Variants in ATP9B observed in about 807,000 individuals in gnomAD.
ATP9B encodes the protein ATPase phospholipid transporting 9B, also known as probable phospholipid-transporting ATPase IIB.
Under a neutral mutation model 146.1 loss-of-function variants are expected in ATP9B, and 110 were observed. The ratio of observed to expected loss-of-function variants is 0.75; its 90% CI spans 0.65 to 0.88. The LOEUF is 0.88. ATP9B is among the 40% of genes least tolerant of loss of function. The probability of loss-of-function intolerance (pLI) is 0.00; values close to 1 mark genes in which losing one functional copy is unlikely to be tolerated. For missense variants in ATP9B, 1,499 were observed against 1,496.4 expected, an observed-to-expected ratio of 1.00 and a Z score of -0.03; for synonymous variants, 604 against 569.7, an observed-to-expected ratio of 1.06 and a Z score of -0.86.
intron 7 of ATP9B, among the ~76,000 whole-genome samples, chr18:79,165,635 GTC>G (rs889950160): frequency 6.6e-6 from 1 of 152,124 alleles, no homozygotes; most frequent in Non-Finnish European, 1.5e-5. Flanking sequence ...AACAGACTGA[GTC>G]TGCAGAAATT....
Position 79,266,833 on chromosome 18 carries a change from T to C in ATP9B, c.1269-10221T>C, listed in dbSNP as rs115636937. Among the ~76,000 whole-genome samples, 255 of 152,212 alleles carry C rather than the reference T, an allele frequency of 1.7e-3. 4 individuals carry two copies. The highest frequency in any genetic ancestry group is 5.7e-3 in the African/African-American group (239 of 41,576). On this transcript the variant is annotated intron_variant, in intron 12 of 29. Transcript: ENST00000426216. The stretch of plus-strand genomic sequence containing the variant: ...GATGGTATGTTAGTATTTTGTTTAT[T>C]ATTAGATTCCATTTACTTGTATTTT...
chr18:79,069,473 A>G lies in ATP9B; in HGVS notation c.63A>G (p.Lys21=), dbSNP rs2071432359. ...RSAAAAAANR[K]RAAYYSAAGP... is the part of the protein sequence containing the mutation. ...CAGCGGCGGCCGCAGCCAACCGCAA[A>G]CGCGCGGCCTACTACAGCGCCGCGG... is the stretch of plus-strand genomic sequence containing the variant. Residue 21 remains lysine, a synonymous_variant, in exon 1 of 30, where the codon AAA becomes AAG. Transcript: ENST00000426216. The G allele has an allele frequency of 6.6e-7, 1 of 1,504,168 alleles. No individual in the cohort carries two copies. The highest frequency in any genetic ancestry group is 2.9e-5 in the East Asian group (1 of 34,734). The allele number at this position is 1,504,168 out of a possible 1,614,324, so 93.2% of individuals were successfully genotyped here. A position where few individuals can be genotyped will look rare whatever the true frequency, so the allele number is the denominator to read the frequency against.
intron 2 of ATP9B, 114 bp downstream of exon 2, chr18:79,096,763 A>G: frequency 2.3e-6 from 2 of 852,366 alleles, no homozygotes; most frequent in East Asian, 2.7e-5. Context: ...TATTCCTTAA[A>G]TGATATCATG....
chr18:79,300,348 C>A (rs2096582407), intron 13 of ATP9B, among the ~76,000 whole-genome samples: 1 of 152,058 alleles, frequency 6.6e-6, no homozygotes, highest in South Asian at 2.1e-4. Flanking sequence ...CTCGTGTCAT[C>A]CTTGGACCAC....
rs1316938538 is a variant in ATP9B, at chr18:79,303,630, T to C, written c.1438T>C (p.Phe480Leu). ...TGTLTQNEMI[F>L]KRLHLGTVSY... ...AACCCTCACCCAGAATGAAATGATA[T>C]TTAAGCGGCTGCACCTGGGCACCGT... The change falls in exon 14 of 30, where the codon TTT (phenylalanine) becomes CTT (leucine). Residue 480 changes from phenylalanine (F) to leucine (L), a missense_variant. Physicochemically the swap from Phe to Leu is conservative, Grantham distance 22 (BLOSUM62 0). Transcript: ENST00000426216. 2 of 1,613,880 alleles carry C rather than the reference T, an allele frequency of 1.2e-6. No individual in the cohort carries two copies. The highest frequency in any genetic ancestry group is 1.7e-6 in the Non-Finnish European group (2 of 1,179,952).
intron 4 of ATP9B, among the ~76,000 whole-genome samples, chr18:79,120,911 T>TA (rs1309926793): frequency 2.0e-5 from 3 of 152,188 alleles, no homozygotes; most frequent in Non-Finnish European, 2.9e-5. Context: ...GTCTCTGCAT[T>TA]AGAGGTGTGG....
intron 29 of ATP9B, 149 bp from the exon 30 acceptor site, chr18:79,377,098 G>A (rs956965607): frequency 2.2e-6 from 2 of 890,466 alleles, no homozygotes; most frequent in South Asian, 3.2e-5. Context: ...GAAAACCTGA[G>A]ATTTGGAGCT....
At chr18:79,339,289 T>TAGGAAGTGTGTGATGATCAC (rs1568745957) in intron 19 of ATP9B, among the ~76,000 whole-genome samples, 1 of 6,656 alleles carries the variant, frequency 1.5e-4, no homozygotes, top group African/African-American at 4.2e-4. Context: ...GTCATGATCG[T>TAGGAAGTGTGTGATGATCAC]AGTAGGAAGT....
At chr18:79,118,212 G>A (rs1033514730) in intron 4 of ATP9B, among the ~76,000 whole-genome samples, 17 of 151,970 alleles carry the variant, frequency 1.1e-4, no homozygotes, top group African/African-American at 3.6e-4. Flanking sequence ...GATTGTTAAC[G>A]ATTGCTTATG....
chr18:79,262,365 TTTATC>T (rs1363046221), intron 12 of ATP9B, among the ~76,000 whole-genome samples: 2 of 152,134 alleles, frequency 1.3e-5, no homozygotes, highest in Admixed American at 1.3e-4. Context: ...CATCACTAGT[TTTATC>T]TAAAGTTTAT....
chr18:79,159,606 G>A (rs942333885), intron 7 of ATP9B, among the ~76,000 whole-genome samples: 2 of 151,802 alleles, frequency 1.3e-5, no homozygotes, highest in Admixed American at 6.6e-5. Context: ...CCTCAACCCC[G>A]CCACTTTCAG....
chr18:79,113,921 A>C (rs894610554), intron 4 of ATP9B, among the ~76,000 whole-genome samples: 2 of 152,198 alleles, frequency 1.3e-5, no homozygotes, highest in Admixed American at 6.5e-5. Context: ...TGTAGAGACA[A>C]GATGTACATC....
At chr18:79,077,246 C>T (rs946815526) in intron 1 of ATP9B, among the ~76,000 whole-genome samples, 1 of 152,098 alleles carries the variant, frequency 6.6e-6, no homozygotes, top group African/African-American at 2.4e-5. Context: ...TTTAAATCTT[C>T]TGCTTATCGG....
At chr18:79,143,533 A>G (rs1211671321) in intron 5 of ATP9B, among the ~76,000 whole-genome samples, 1 of 152,228 alleles carries the variant, frequency 6.6e-6, no homozygotes. Context: ...ATTACAAAAC[A>G]TGGGAATAAT....
intron 12 of ATP9B, among the ~76,000 whole-genome samples, chr18:79,257,876 C>T (rs1173400674): frequency 1.3e-5 from 2 of 152,234 alleles, no homozygotes; most frequent in Admixed American, 6.5e-5. Flanking sequence ...TCTTTCACCA[C>T]GTAAAAGGCC....
At position 79,373,657 on chromosome 18, in the gene ATP9B, T is replaced by C. The variant is rs1366798476; in HGVS notation, c.3071-241T>C. Reference sequence around the variant, plus strand: ...GGTGCGTGCCACCACGCCTGGCTAATTTTTTGTATCTTTAGTAGAGATGGG... The same window carrying C: ...GGTGCGTGCCACCACGCCTGGCTAACTTTTTGTATCTTTAGTAGAGATGGG... On this transcript the variant is annotated intron_variant, in intron 27 of 29. Transcript: ENST00000426216. Among the ~76,000 whole-genome samples, 3 of 152,070 alleles carry C rather than the reference T, an allele frequency of 2.0e-5. No individual in the cohort carries two copies. The East Asian group carries it at 5.8e-4, about 29-fold the overall frequency.
chr18:79,327,591 A>AG (rs2096759495), intron 15 of ATP9B, among the ~76,000 whole-genome samples: 2 of 51,660 alleles, frequency 3.9e-5, no homozygotes, highest in African/African-American at 9.1e-5. Context: ...TCCGTGGTTA[A>AG]CGTGCCCTCC....
At chr18:79,168,378 G>GTT (rs57706892) in intron 7 of ATP9B, among the ~76,000 whole-genome samples, 10,772 of 143,694 alleles carry the variant, frequency 0.075, 434 homozygotes, top group Non-Finnish European at 0.098. Context: ...TTTTGATTTT[G>GTT]TTTTTTTTTT....
Position 79,070,094 on chromosome 18 carries a change from T to G in ATP9B, c.119+565T>G, listed in dbSNP as rs550792291. Reference sequence around the variant, plus strand: ...AAATGGGGTATTGAGAACGGTTAACTTGTTTAGTGGGGTCACAGGTTAGCA... The same window carrying G: ...AAATGGGGTATTGAGAACGGTTAACGTGTTTAGTGGGGTCACAGGTTAGCA... On this transcript the variant is annotated intron_variant, in intron 1 of 29. Transcript: ENST00000426216. Among the ~76,000 whole-genome samples, 481 of 152,334 alleles carry G rather than the reference T, an allele frequency of 3.2e-3. 5 individuals carry two copies. The highest frequency in any genetic ancestry group is 0.011 in the African/African-American group (439 of 41,572).
Sources: allele counts gnomAD v4.1 joint callset (sites outside exome capture counted in the v4.1 genomes callset), GRCh38; gene constraint gnomAD v4.1.1; transcripts MANE v1.5; gene names NCBI Gene and HGNC (gene_info 2026-07-23, HGNC 2026-07-21).